Variants in TENM4 observed in about 807,000 individuals in gnomAD.
TENM4 encodes the protein teneurin transmembrane protein 4.
In TENM4, 82 loss-of-function variants were observed where a neutral mutation model predicts 243.3. The observed-to-expected ratio is 0.34, with a 90% CI of 0.28 to 0.40. The LOEUF (loss-of-function observed/expected upper bound fraction) is 0.40. Among genes scored for constraint, TENM4 ranks in the 10% least tolerant of loss-of-function variants. TENM4 has a pLI of 1.00. For synonymous variants in TENM4, 1,412 were observed against 1,456.3 expected (o/e 0.97, Z 0.69); for missense variants, 3,138 against 3,673.3 (o/e 0.85, Z 3.77).
rs1307114255 is a variant in TENM4, at chr11:78,654,449, A to C, written c.*3609T>G. Reference sequence around the variant, plus strand: ...TGCATAATGGAAATCCCTGCCATCTATAAAGGTGATACTTTAAAGTTGCAG... The same window carrying C: ...TGCATAATGGAAATCCCTGCCATCTCTAAAGGTGATACTTTAAAGTTGCAG... On this transcript the variant is annotated 3_prime_UTR_variant, in exon 34 of 34. Coordinates refer to ENST00000278550, the MANE Select transcript of TENM4 (RefSeq NM_001098816.3). 6.6e-6 allele frequency: 1 copy of C among 152,204 alleles called. No individual in the cohort carries two copies. The highest frequency in any genetic ancestry group is 1.9e-4 in the East Asian group (1 of 5,202). 9.4% of individuals were successfully genotyped at this position (152,204 alleles called of 1,614,324 possible).
At chr11:78,866,689 G>C (rs961510725) in intron 9 of TENM4, among the ~76,000 whole-genome samples, 3 of 152,180 alleles carry the variant, frequency 2.0e-5, no homozygotes, top group Non-Finnish European at 4.4e-5. Flanking sequence ...TGTGAGGCTG[G>C]CCAATAGTCT....
chr11:78,941,471 G>A (rs2136456909), intron 6 of TENM4, among the ~76,000 whole-genome samples: 1 of 152,330 alleles, frequency 6.6e-6, no homozygotes, highest in South Asian at 2.1e-4. Flanking sequence ...GGTGGGGGAA[G>A]GGGTGCCCAA....
chr11:79,220,244 T>G (rs956401991), intron 2 of TENM4, among the ~76,000 whole-genome samples: 6 of 152,162 alleles, frequency 3.9e-5, no homozygotes, highest in Admixed American at 1.3e-4. Context: ...CTATTAAAAC[T>G]TTGTTTAAGG....
intron 2 of TENM4, among the ~76,000 whole-genome samples, chr11:79,295,896 A>AAC (rs199711050): frequency 0.079 from 10,378 of 130,804 alleles, 420 homozygotes; most frequent in Admixed American, 0.12. Flanking sequence ...CCAGGGATTA[A>AAC]ACACACACAC....
chr11:79,090,743 TG>T, intron 4 of TENM4, among the ~76,000 whole-genome samples: 1 of 152,318 alleles, frequency 6.6e-6, no homozygotes, highest in Admixed American at 6.5e-5. Context: ...GCCCTGGCCT[TG>T]GGACTTGGTG....
intron 1 of TENM4, among the ~76,000 whole-genome samples, chr11:79,312,838 G>A (rs531027106): frequency 2.0e-5 from 3 of 152,196 alleles, no homozygotes; most frequent in Non-Finnish European, 4.4e-5. Context: ...GAAGTGGGCT[G>A]TTCCTTTCTC....
intron 1 of TENM4, among the ~76,000 whole-genome samples, chr11:79,308,782 G>C (rs1370535232): frequency 6.6e-6 from 1 of 152,154 alleles, no homozygotes; most frequent in African/African-American, 2.4e-5. Flanking sequence ...CTGAGTGCGA[G>C]ACCCACAGAA....
chr11:79,241,479 T>A (rs1170655252), intron 2 of TENM4, among the ~76,000 whole-genome samples: 1 of 152,114 alleles, frequency 6.6e-6, no homozygotes, highest in Non-Finnish European at 1.5e-5. Context: ...GATGAGACCA[T>A]CAGGCTCACT....
chr11:79,212,476 T>C (rs55968544), intron 3 of TENM4, among the ~76,000 whole-genome samples: 3,529 of 152,346 alleles, frequency 0.023, 116 homozygotes, highest in African/African-American at 0.078. Context: ...TTAAATGTTC[T>C]TGGACTTAAT....
chr11:79,123,227 A>G (rs567419899), intron 4 of TENM4, among the ~76,000 whole-genome samples: 3 of 152,330 alleles, frequency 2.0e-5, no homozygotes, highest in East Asian at 3.9e-4. Flanking sequence ...CCAAACCTAT[A>G]TTAACACATT....
intron 4 of TENM4, among the ~76,000 whole-genome samples, chr11:79,123,382 C>T (rs1861784688): frequency 6.6e-6 from 1 of 152,126 alleles, no homozygotes; most frequent in Admixed American, 6.5e-5. Flanking sequence ...TGGGGTTCAA[C>T]CCAGGTAGTC....
intron 1 of TENM4, among the ~76,000 whole-genome samples, chr11:79,304,179 C>T (rs1044870701): frequency 3.9e-5 from 6 of 152,094 alleles, no homozygotes; most frequent in African/African-American, 1.2e-4. Context: ...GGGAAAGGTC[C>T]CAGTAACTTG....
intron 16 of TENM4, among the ~76,000 whole-genome samples, chr11:78,779,166 G>T (rs1328823224): frequency 6.6e-6 from 1 of 152,198 alleles, no homozygotes; most frequent in Non-Finnish European, 1.5e-5. Context: ...TTGAGTCTTT[G>T]GTCAAATATA....
intron 1 of TENM4, among the ~76,000 whole-genome samples, chr11:79,315,061 A>T (rs1006596605): frequency 3.3e-5 from 5 of 152,236 alleles, no homozygotes; most frequent in Non-Finnish European, 7.3e-5. Context: ...ATGAAGGCAC[A>T]GATAACGCCT....
intron 6 of TENM4, among the ~76,000 whole-genome samples, chr11:79,008,059 T>C (rs1233733226): frequency 6.6e-6 from 1 of 152,040 alleles, no homozygotes; most frequent in Admixed American, 6.5e-5. Flanking sequence ...GCATGCAGGG[T>C]GCTAAAAATT....
chr11:79,388,333 A>C (rs1858158840), intron 1 of TENM4, among the ~76,000 whole-genome samples: 1 of 152,246 alleles, frequency 6.6e-6, no homozygotes, highest in Non-Finnish European at 1.5e-5. Flanking sequence ...TCAGTTTTTC[A>C]GCAGCAAAAT....
intron 1 of TENM4, among the ~76,000 whole-genome samples, chr11:79,378,854 G>C (rs1024732411): frequency 6.9e-6 from 1 of 144,436 alleles, no homozygotes; most frequent in Non-Finnish European, 1.5e-5. Flanking sequence ...ATGCACTCCA[G>C]CCTGGGTGAC....
chr11:79,437,693 C>A (rs942432012), intron 1 of TENM4, among the ~76,000 whole-genome samples: 1 of 152,170 alleles, frequency 6.6e-6, no homozygotes, highest in African/African-American at 2.4e-5. Context: ...GGCGAGGGAG[C>A]TGGGATGCGC....
rs1856638777 is a variant in TENM4, at chr11:78,771,136, C to T, written c.2395G>A (p.Gly799Ser). 2.6e-6 allele frequency: 4 copies of T among 1,566,068 alleles called. No individual in the cohort carries two copies. Among genetic ancestry groups the T allele is most frequent in the Non-Finnish European group, 3.5e-6 (4 of 1,155,330 alleles). Residue 799 changes from glycine (G) to serine (S), a missense_variant and splice_region_variant, in exon 18 of 34, where the codon GGT becomes AGT. By Grantham distance (56) the Gly-to-Ser change is moderately conservative (BLOSUM62 0). This residue lies in a region of TENM4 where 2,467 missense variants were observed against 3,059.1 expected (regional missense o/e 0.81). Coordinates refer to ENST00000278550, the MANE Select transcript of TENM4 (RefSeq NM_001098816.3). ...AHYLDRVVKE[G>S]CPGLCNGNGR... ...TTGCCATTGCACAACCCAGGGCAACCCTCTGAAAGACAAAGTACAGGGTTG... is the reference window on the plus strand; with the variant it reads ...TTGCCATTGCACAACCCAGGGCAACTCTCTGAAAGACAAAGTACAGGGTTG...
Sources: gnomAD v4.1 joint callset for allele counts (sites outside exome capture counted in the v4.1 genomes callset) on GRCh38, gnomAD v4.1.1 for gene constraint, gnomAD v4.1.1 regional missense constraint, MANE v1.5 for transcripts, NCBI Gene and HGNC (gene_info 2026-07-23, HGNC 2026-07-21) for gene names.